PLCXD3: variants seen among roughly 807,000 people sequenced by gnomAD.
PLCXD3 encodes PI-PLC X domain-containing protein 3.
In PLCXD3, 19 loss-of-function variants were observed where a neutral mutation model predicts 25.5. The observed-to-expected ratio is 0.75, with a 90% confidence interval of 0.52 to 1.09. PLCXD3 has a LOEUF of 1.09. PLCXD3 is among the 50% of genes least tolerant of loss of function. The probability of loss-of-function intolerance (pLI) is 0.00; values close to 1 mark genes in which losing one functional copy is unlikely to be tolerated. For synonymous variants in PLCXD3, 174 were observed against 137.6 expected, an observed-to-expected ratio of 1.26 and a Z score of -1.85; for missense variants, 411 against 388.1, an observed-to-expected ratio of 1.06 and a Z score of -0.50.
Position 41,334,922 on chromosome 5 carries a change from C to T in PLCXD3, c.813-21152G>A, listed in dbSNP as rs150570876. On this transcript the variant is annotated intron_variant, in intron 2 of 2. Coordinates refer to ENST00000377801, the MANE Select transcript of PLCXD3 (RefSeq NM_001005473.3). ...TGGCGTGCAGGGACTATTTTGTCTT[C>T]TAGTTTTCCAGGGGAATGAAAGAAT... Among the ~76,000 whole-genome samples, 82 of 152,224 alleles carry T rather than the reference C, an allele frequency of 5.4e-4. 1 individual carries two copies. Among genetic ancestry groups the T allele is most frequent in the East Asian group, 5.2e-3 (27 of 5,172 alleles).
At chr5:41,471,401 C>T (rs1366410373) in intron 1 of PLCXD3, among the ~76,000 whole-genome samples, 1 of 152,138 alleles carries the variant, frequency 6.6e-6, no homozygotes, top group Non-Finnish European at 1.5e-5. Context: ...TGCACTGCAG[C>T]CCTGTCACAG....
At chr5:41,372,298 TCACACACA>T (rs71608605) in intron 2 of PLCXD3, among the ~76,000 whole-genome samples, 2,115 of 110,728 alleles carry the variant, frequency 0.019, 21 homozygotes, top group Non-Finnish European at 0.027. Flanking sequence ...TCTCTCTCTC[TCACACACA>T]CACACACACA....
rs147342731 is a variant in PLCXD3 at position 41,494,104 on chromosome 5, C to T, written c.103+16320G>A. 1.2e-3 allele frequency among the ~76,000 whole-genome samples: 183 copies of T among 152,256 alleles called. 1 individual carries two copies. Among genetic ancestry groups the T allele is most frequent in the African/African-American group, 3.9e-3 (160 of 41,556 alleles). On this transcript the variant is annotated intron_variant, in intron 1 of 2. Transcript: ENST00000377801. ...GCTCCCTCCCGGGTTTTATTTTTTA[C>T]TTATTTATTGTTAAGACAGGGTCTT...
intron 1 of PLCXD3, among the ~76,000 whole-genome samples, chr5:41,460,090 A>G (rs1033638487): frequency 6.6e-6 from 1 of 151,930 alleles, no homozygotes; most frequent in Non-Finnish European, 1.5e-5. Flanking sequence ...TGTTTTCCAC[A>G]CAAAGATATG....
intron 1 of PLCXD3, among the ~76,000 whole-genome samples, chr5:41,501,813 T>C (rs761651009): frequency 1.3e-5 from 2 of 152,086 alleles, no homozygotes; most frequent in African/African-American, 2.4e-5. Flanking sequence ...AATAAGATGA[T>C]AGAGAATTAA....
intron 1 of PLCXD3, among the ~76,000 whole-genome samples, chr5:41,449,292 T>C (rs1747574350): frequency 6.6e-6 from 1 of 152,200 alleles, no homozygotes; most frequent in Non-Finnish European, 1.5e-5. Flanking sequence ...AAAAAAATTT[T>C]AATGAATGAC....
Position 41,311,021 on chromosome 5 carries a change from A to C in PLCXD3, c.*2596T>G, listed in dbSNP as rs1743125219. On this transcript the variant is annotated 3_prime_UTR_variant, in exon 3 of 3. Coordinates refer to ENST00000377801, the MANE Select transcript of PLCXD3 (RefSeq NM_001005473.3). ...TTAATTCTAAGCAAACACTATGAGA[A>C]AGTATCTAGGTTCAAGAAAATACAA... The C allele has an allele frequency of 6.6e-6, 1 of 152,190 alleles. No homozygotes were observed. The highest frequency in any genetic ancestry group is 2.4e-5 in the African/African-American group (1 of 41,460). 9.4% of individuals were successfully genotyped at this position (152,190 alleles called of 1,614,324 possible). A position where few individuals can be genotyped will look rare whatever the true frequency, so the allele number is the denominator to read the frequency against.
At chr5:41,487,379 C>A (rs1329909084) in intron 1 of PLCXD3, among the ~76,000 whole-genome samples, 2 of 152,140 alleles carry the variant, frequency 1.3e-5, no homozygotes, top group African/African-American at 4.8e-5. Context: ...CTTAGATCAA[C>A]AGAGCAGAAG....
intron 1 of PLCXD3, among the ~76,000 whole-genome samples, chr5:41,392,936 C>T (rs1037861003): frequency 5.9e-5 from 9 of 152,074 alleles, no homozygotes; most frequent in East Asian, 3.9e-4. Context: ...AAGAATGCAT[C>T]GGGATCCTTT....
chr5:41,486,833 A>G (rs1748529098), intron 1 of PLCXD3, among the ~76,000 whole-genome samples: 1 of 152,228 alleles, frequency 6.6e-6, no homozygotes, highest in Non-Finnish European at 1.5e-5. Flanking sequence ...TCTCAATTTT[A>G]GAGCTGAGAA....
At chr5:41,428,819 T>TA (rs901577494) in intron 1 of PLCXD3, among the ~76,000 whole-genome samples, 2 of 152,120 alleles carry the variant, frequency 1.3e-5, no homozygotes, top group Admixed American at 6.5e-5. Flanking sequence ...CATGCACTGT[T>TA]AAAAAACAAA....
chr5:41,451,642 T>TC (rs1035072754), intron 1 of PLCXD3, among the ~76,000 whole-genome samples: 21 of 142,664 alleles, frequency 1.5e-4, no homozygotes, highest in Admixed American at 3.5e-4. Flanking sequence ...TTCCTCTCTC[T>TC]TTTTTTTTTT....
chr5:41,404,647 T>A (rs898301520), intron 1 of PLCXD3, among the ~76,000 whole-genome samples: 7 of 152,150 alleles, frequency 4.6e-5, no homozygotes, highest in Non-Finnish European at 8.8e-5. Context: ...TAATAAAACT[T>A]GTATATGATA....
At chr5:41,495,996 CA>C (rs1748828665) in intron 1 of PLCXD3, among the ~76,000 whole-genome samples, 2 of 151,766 alleles carry the variant, frequency 1.3e-5, no homozygotes, top group Non-Finnish European at 1.5e-5. Flanking sequence ...ACAATATATA[CA>C]AAAAATAAAA....
intron 1 of PLCXD3, among the ~76,000 whole-genome samples, chr5:41,458,243 C>T (rs1233867291): frequency 2.0e-5 from 3 of 151,734 alleles, no homozygotes; most frequent in African/African-American, 4.8e-5. Flanking sequence ...ATACCTGAAG[C>T]TTTAGGGATT....
intron 1 of PLCXD3, among the ~76,000 whole-genome samples, chr5:41,489,971 G>T (rs1454440598): frequency 6.6e-6 from 1 of 151,938 alleles, no homozygotes; most frequent in Non-Finnish European, 1.5e-5. Context: ...CCAACACTAT[G>T]TTGAATAGGA....
chr5:41,440,213 CAATTT>C (rs1194970623), intron 1 of PLCXD3, among the ~76,000 whole-genome samples: 3 of 80,046 alleles, frequency 3.7e-5, no homozygotes, highest in African/African-American at 1.5e-4. Flanking sequence ...CATAATCTCT[CAATTT>C]TTTTTTTTTT....
chr5:41,451,641 C>T (rs704041), intron 1 of PLCXD3, among the ~76,000 whole-genome samples: 99,136 of 148,052 alleles, frequency 0.67, 33,477 homozygotes, highest in Admixed American at 0.75. Context: ...TTTCCTCTCT[C>T]TTTTTTTTTT....
At chr5:41,356,086 A>T (rs1744610058) in intron 2 of PLCXD3, among the ~76,000 whole-genome samples, 2 of 152,044 alleles carry the variant, frequency 1.3e-5, no homozygotes, top group South Asian at 4.2e-4. Flanking sequence ...CTAACATGGC[A>T]AAACCCTGTT....
Sources: allele counts gnomAD v4.1 joint callset (sites outside exome capture counted in the v4.1 genomes callset), GRCh38; gene constraint gnomAD v4.1.1; transcripts MANE v1.5; gene names NCBI Gene and HGNC (gene_info 2026-07-23, HGNC 2026-07-21).